The following BBOF1 variants were observed in gnomAD, a reference collection of about 807,000 sequenced individuals.
BBOF1 encodes the protein basal body-orientation factor 1.
In BBOF1, 62 loss-of-function variants were observed where a neutral mutation model predicts 68.0. The ratio of observed to expected loss-of-function variants is 0.91; its 90% confidence interval spans 0.74 to 1.13. The LOEUF is 1.13. BBOF1 is among the 50% of genes most tolerant of loss of function. BBOF1 has a pLI of 0.00. For missense variants in BBOF1, 534 were observed against 600.1 expected, an observed-to-expected ratio of 0.89 and a Z score of 1.15; for synonymous variants, 208 against 198.8, an observed-to-expected ratio of 1.05 and a Z score of -0.39.
intron 1 of BBOF1, among the ~76,000 whole-genome samples, chr14:74,021,420 T>C (rs2059295370): frequency 6.6e-6 from 1 of 151,984 alleles, no homozygotes; most frequent in Admixed American, 6.6e-5. Context: ...ACCCTGTCTC[T>C]ACAAAAATTT....
chr14:74,072,200 T>C (rs2139792595), intron 9 of BBOF1: 1 of 1,614,194 alleles, frequency 6.2e-7, no homozygotes, highest in Non-Finnish European at 8.5e-7. Context: ...TTAGATTTCA[T>C]ACCAAGTTTT....
chr14:74,019,790 A>G (rs1234882716), intron 1 of BBOF1, among the ~76,000 whole-genome samples: 2 of 152,260 alleles, frequency 1.3e-5, no homozygotes, highest in Admixed American at 1.3e-4. Flanking sequence ...CAAAGGGGAC[A>G]CCTAAAGTAT....
intron 10 of BBOF1, 30 bp from the exon 11 acceptor site, chr14:74,057,114 G>C (rs1172115810): frequency 6.2e-7 from 1 of 1,605,012 alleles, no homozygotes; most frequent in Non-Finnish European, 8.5e-7. Flanking sequence ...TAGAGTTGTT[G>C]ACGGTTCTGT....
At chr14:74,033,884 AAAT>A (rs2059636901) in intron 3 of BBOF1, 141 bp from the exon 4 acceptor site, 1 of 348,154 alleles carries the variant, frequency 2.9e-6, no homozygotes, top group Non-Finnish European at 4.8e-6. Flanking sequence ...TAAATAAAAT[AAAT>A]AAATAAATAA....
chr14:74,053,319 G>C (rs1465455417), intron 8 of BBOF1, among the ~76,000 whole-genome samples: 3 of 150,934 alleles, frequency 2.0e-5, no homozygotes, highest in African/African-American at 7.3e-5. Flanking sequence ...CACCATGTCA[G>C]CCAAGAAGGT....
intron 12 of BBOF1, among the ~76,000 whole-genome samples, chr14:74,082,353 T>C (rs192118129): frequency 6.6e-6 from 1 of 151,816 alleles, no homozygotes; most frequent in Admixed American, 6.6e-5. Flanking sequence ...CTATAAATCC[T>C]TTTGATAGTT....
At chr14:74,029,441 G>C (rs564705906) in intron 3 of BBOF1, among the ~76,000 whole-genome samples, 192 bp downstream of exon 3, 1 of 152,246 alleles carries the variant, frequency 6.6e-6, no homozygotes, top group South Asian at 2.1e-4. Flanking sequence ...CCAACACTTT[G>C]GGATGCTGAG....
intron 6 of BBOF1, 27 bp downstream of exon 6, chr14:74,046,157 C>T (rs983416288): frequency 1.7e-5 from 27 of 1,547,560 alleles, no homozygotes; most frequent in Non-Finnish European, 2.3e-5. Flanking sequence ...TACTTTCTGA[C>T]TCTGATTACC....
At chr14:74,072,678 CT>C in intron 9 of BBOF1, 1 of 1,554,270 alleles carries the variant, frequency 6.4e-7, no homozygotes, top group South Asian at 1.1e-5. Context: ...AATTGCTTTG[CT>C]TTTCCCTTTC....
Position 74,064,829 on chromosome 14 carries a change from C to G in BBOF1, c.*130C>G, listed in dbSNP as rs2060433229. 2.5e-6 allele frequency: 4 copies of G among 1,613,684 alleles called. No homozygotes were observed. The highest frequency in any genetic ancestry group is 1.7e-5 in the Admixed American group (1 of 59,968). ...ATTTAACTCAAAAGTTACCTGTTTG[C>G]CATAGAAATTGGTGTCTCCCCTGAA... On this transcript the variant is annotated 3_prime_UTR_variant, in exon 12 of 12. Coordinates refer to ENST00000394009, the MANE Select transcript of BBOF1 (RefSeq NM_025057.3).
intron 1 of BBOF1, among the ~76,000 whole-genome samples, chr14:74,021,851 G>A (rs1354690438): frequency 6.6e-6 from 1 of 151,872 alleles, no homozygotes; most frequent in Non-Finnish European, 1.5e-5. Flanking sequence ...AGCTTGCAGT[G>A]AGCCGAGATC....
intron 2 of BBOF1, among the ~76,000 whole-genome samples, chr14:74,028,008 G>T (rs1174666578): frequency 6.6e-6 from 1 of 152,104 alleles, no homozygotes; most frequent in Non-Finnish European, 1.5e-5. Flanking sequence ...GTATATTAAT[G>T]TTAGACTTCC....
intron 2 of BBOF1, among the ~76,000 whole-genome samples, chr14:74,023,349 C>T (rs1431637326): frequency 6.6e-6 from 1 of 152,142 alleles, no homozygotes; most frequent in Non-Finnish European, 1.5e-5. Flanking sequence ...ATCCTTGTTG[C>T]ATGTTTTCTT....
chr14:74,038,734 T>C (rs192457609), intron 4 of BBOF1, among the ~76,000 whole-genome samples: 7 of 152,278 alleles, frequency 4.6e-5, no homozygotes, highest in Admixed American at 3.9e-4. Context: ...CTGGGCACAG[T>C]GGCTCATGCC....
chr14:74,074,405 G>A (rs187194965), intron 9 of BBOF1, among the ~76,000 whole-genome samples: 10 of 151,638 alleles, frequency 6.6e-5, no homozygotes, highest in Admixed American at 5.3e-4. Flanking sequence ...TCCTGCCTCA[G>A]CCCGCAGAGT....
intron 9 of BBOF1, among the ~76,000 whole-genome samples, chr14:74,074,071 G>A (rs865936011): frequency 2.7e-5 from 4 of 150,014 alleles, no homozygotes; most frequent in Admixed American, 1.3e-4. Context: ...TGCAACCTCT[G>A]CCTCCCAGGC....
intron 4 of BBOF1, among the ~76,000 whole-genome samples, chr14:74,036,259 A>G (rs1280702568): frequency 1.3e-5 from 2 of 151,854 alleles, no homozygotes; most frequent in Non-Finnish European, 1.5e-5. Flanking sequence ...GTTTTGCCAC[A>G]TTAGCCAGGC....
chr14:74,057,498 T>C, intron 11 of BBOF1: 5 of 1,396,464 alleles, frequency 3.6e-6, no homozygotes, highest in Non-Finnish European at 4.7e-6. Flanking sequence ...TAGGTTGCCT[T>C]TTGAAGTAAA....
At chr14:74,044,475 C>CTTTTT (rs35074690) in intron 5 of BBOF1, among the ~76,000 whole-genome samples, 2 of 135,308 alleles carry the variant, frequency 1.5e-5, no homozygotes, top group African/African-American at 5.5e-5. Context: ...AACCTCTTCT[C>CTTTTT]TTTTTTTTTT....
Sources: allele counts gnomAD v4.1 joint callset (sites outside exome capture counted in the v4.1 genomes callset), GRCh38; gene constraint gnomAD v4.1.1; transcripts MANE v1.5; gene names NCBI Gene and HGNC (gene_info 2026-07-23, HGNC 2026-07-21).